CCNJL: variants seen among roughly 807,000 people sequenced by gnomAD.
CCNJL encodes cyclin J like.
CCNJL carries 33 observed loss-of-function variants against 33.4 expected under a neutral mutation model. That is an observed-to-expected ratio of 0.99 (90% CI 0.75 to 1.32). The LOEUF is 1.32. CCNJL is among the 40% of genes most tolerant of loss of function. The pLI, the probability that CCNJL is intolerant of heterozygous loss-of-function variation, is 0.00. For missense variants in CCNJL, 512 were observed against 499.7 expected (o/e 1.02, Z -0.23); for synonymous variants, 227 against 220.9 (o/e 1.03, Z -0.24).
At chr5:160,278,709 G>A (rs1164961344) in intron 3 of CCNJL, among the ~76,000 whole-genome samples, 2 of 152,194 alleles carry the variant, frequency 1.3e-5, no homozygotes, top group Admixed American at 6.5e-5. Context: ...GACACTCGGG[G>A]AGAGCTTCCA....
intron 1 of CCNJL, among the ~76,000 whole-genome samples, chr5:160,338,789 CTCT>C (rs10669636): frequency 6.6e-5 from 10 of 151,160 alleles, no homozygotes; most frequent in East Asian, 1.9e-4. Flanking sequence ...ACTAAAACTA[CTCT>C]TCTTCTTCTT....
chr5:160,282,412 T>C (rs1181548617), intron 2 of CCNJL, among the ~76,000 whole-genome samples: 1 of 152,180 alleles, frequency 6.6e-6, no homozygotes, highest in Non-Finnish European at 1.5e-5. Context: ...AATGGTTTCT[T>C]AGATATGACA....
At chr5:160,301,689 C>T (rs982982257) in intron 2 of CCNJL, among the ~76,000 whole-genome samples, 2 of 151,026 alleles carry the variant, frequency 1.3e-5, no homozygotes, top group Non-Finnish European at 2.9e-5. Flanking sequence ...CTTGCCTCGG[C>T]CTCCCAAAGT....
At chr5:160,277,571 T>C (rs940274110) in intron 3 of CCNJL, among the ~76,000 whole-genome samples, 2 of 152,144 alleles carry the variant, frequency 1.3e-5, no homozygotes, top group Admixed American at 6.6e-5. Context: ...CAATGAACTC[T>C]GAGGGAGAGA....
chr5:160,313,892 C>T (rs549342336), upstream of CCNJL, among the ~76,000 whole-genome samples: 1 of 152,218 alleles, frequency 6.6e-6, no homozygotes, highest in Non-Finnish European at 1.5e-5. Flanking sequence ...GATGGCGGGG[C>T]GCGGTGGCTC....
At chr5:160,310,599 G>T (rs1009429089) in intron 2 of CCNJL, among the ~76,000 whole-genome samples, 7 of 152,320 alleles carry the variant, frequency 4.6e-5, no homozygotes, top group Admixed American at 2.0e-4. Context: ...ATTGGGCGCA[G>T]TAGTGTCCCC....
At chr5:160,260,459 G>A (rs1246868009) in intron 3 of CCNJL, among the ~76,000 whole-genome samples, 5 of 152,174 alleles carry the variant, frequency 3.3e-5, no homozygotes, top group Non-Finnish European at 7.4e-5. Context: ...TAATCCTACT[G>A]AGGAATTCTG....
intron 2 of CCNJL, among the ~76,000 whole-genome samples, chr5:160,308,623 T>C (rs1034028657): frequency 8.5e-5 from 13 of 152,166 alleles, no homozygotes; most frequent in Non-Finnish European, 1.8e-4. Context: ...CTGGGTGTGG[T>C]GGCACATGCC....
intron 3 of CCNJL, among the ~76,000 whole-genome samples, chr5:160,275,643 C>T (rs1357973413): frequency 6.6e-6 from 1 of 152,210 alleles, no homozygotes; most frequent in Non-Finnish European, 1.5e-5. Context: ...TGCCACCACA[C>T]CTGGCTAAAT....
chr5:160,338,581 G>T (rs1763711206), intron 1 of CCNJL, among the ~76,000 whole-genome samples: 1 of 152,160 alleles, frequency 6.6e-6, no homozygotes, highest in Non-Finnish European at 1.5e-5. Context: ...ATTGGGTTTG[G>T]CTGGATTAAG....
In CCNJL at chr5:160,293,778, T is replaced by C. The variant is rs1005936869; in HGVS notation, c.67-13040A>G. Among the ~76,000 whole-genome samples the C allele has an allele frequency of 4.6e-5, 7 of 151,604 alleles. 1 individual carries two copies. The highest frequency in any genetic ancestry group is 1.0e-4 in the Non-Finnish European group (7 of 67,902). On this transcript the variant is annotated intron_variant, in intron 2 of 5. Transcript: ENST00000257536. ...CTGCCAAGGCCACACTGCAGGTGAG[T>C]GGTAAATCTTGGGCTTGGACATCAG...
Position 160,259,545 on chromosome 5 carries a change from C to T in CCNJL, c.507G>A (p.Trp169Ter), listed in dbSNP as rs747379711. The T allele has an allele frequency of 1.2e-6, 2 of 1,614,092 alleles. No individual in the cohort carries two copies. Among genetic ancestry groups the T allele is most frequent in the South Asian group, 2.2e-5 (2 of 91,082 alleles). The change falls in exon 4 of 6, where the codon TGG becomes TGA. Residue 169 changes from tryptophan to a stop codon, truncating the protein, a stop_gained. Coordinates refer to ENST00000257536, the MANE Select transcript of CCNJL (RefSeq NM_001308173.3). LOFTEE classifies it high-confidence loss of function. ...VSQKDHHCHTWPTTCPRKTKE... is the reference protein window; with the variant it reads ...VSQKDHHCHT Reference sequence around the variant, plus strand: ...TGGTCTTGCGGGGGCAGGTGGTGGGCCAGGTGTGGCAGTGGTGGTCCTTCT... The same window carrying T: ...TGGTCTTGCGGGGGCAGGTGGTGGGTCAGGTGTGGCAGTGGTGGTCCTTCT...
At chr5:160,273,712 T>A (rs1761917173) in intron 3 of CCNJL, among the ~76,000 whole-genome samples, 1 of 142,662 alleles carries the variant, frequency 7.0e-6, no homozygotes, top group African/African-American at 2.6e-5. Context: ...AGTGGCGCGA[T>A]CTTGGCTCAC....
At chr5:160,331,238 T>G (rs1353087038) in intron 1 of CCNJL, among the ~76,000 whole-genome samples, 1 of 150,154 alleles carries the variant, frequency 6.7e-6, no homozygotes, top group African/African-American at 2.5e-5. Flanking sequence ...TTTTTTTTTT[T>G]TGTGAGATGG....
At chr5:160,258,215 ATT>A (rs34177969) in intron 4 of CCNJL, 2,990 of 506,558 alleles carry the variant, frequency 5.9e-3, no homozygotes, top group South Asian at 7.5e-3. Flanking sequence ...TATCAACAGT[ATT>A]TTTTTTTTTT....
intron 3 of CCNJL, among the ~76,000 whole-genome samples, chr5:160,273,944 C>T (rs577186116): frequency 3.3e-5 from 5 of 151,930 alleles, no homozygotes; most frequent in African/African-American, 9.6e-5. Context: ...CCACTGCACC[C>T]GGCCTACAAA....
At chr5:160,311,035 C>T (rs888903119) in intron 2 of CCNJL, among the ~76,000 whole-genome samples, 89 of 152,158 alleles carry the variant, frequency 5.8e-4, no homozygotes, top group African/African-American at 2.1e-3. Context: ...TACTTCACAC[C>T]TGTTCCCCAA....
Position 160,253,196 on chromosome 5 carries a change from G to C in CCNJL, c.*182C>G. 1.9e-6 allele frequency: 1 copy of C among 522,610 alleles called. No individual in the cohort carries two copies. The highest frequency in any genetic ancestry group is 3.3e-6 in the Non-Finnish European group (1 of 306,870). 32.4% of individuals were successfully genotyped at this position (522,610 alleles called of 1,614,324 possible). Reference sequence around the variant, plus strand: ...ACGTTTCTCAGAGGAATGCTCTCGGGTGAGGTATGTTATTGAATGTTTTGC... The same window carrying C: ...ACGTTTCTCAGAGGAATGCTCTCGGCTGAGGTATGTTATTGAATGTTTTGC... On this transcript the variant is annotated 3_prime_UTR_variant, in exon 6 of 6. Transcript: ENST00000257536.
At chr5:160,270,927 T>C (rs182818063) in intron 3 of CCNJL, among the ~76,000 whole-genome samples, 1 of 152,246 alleles carries the variant, frequency 6.6e-6, no homozygotes, top group East Asian at 1.9e-4. Flanking sequence ...TACAAGTACC[T>C]ACAAGTCGGG....
Sources: allele counts gnomAD v4.1 joint callset (sites outside exome capture counted in the v4.1 genomes callset), GRCh38; gene constraint gnomAD v4.1.1; transcripts MANE v1.5; gene names NCBI Gene and HGNC (gene_info 2026-07-23, HGNC 2026-07-21).